The following AEN variants were observed in gnomAD, a reference collection of about 807,000 sequenced individuals.
The protein encoded by AEN is apoptosis-enhancing nuclease.
Under a neutral mutation model 17.7 loss-of-function variants are expected in AEN, and 21 were observed. The observed-to-expected ratio is 1.19, with a 90% CI of 0.84 to 1.71. The LOEUF (loss-of-function observed/expected upper bound fraction) is 1.71, where lower values mean the gene tolerates loss of function less well. Among genes scored for constraint, AEN ranks in the 40% most tolerant of loss-of-function variants. The pLI, the probability that AEN is intolerant of heterozygous loss-of-function variation, is 0.00. For synonymous variants in AEN, 190 were observed against 173.0 expected (o/e 1.10, Z -0.77); for missense variants, 462 against 435.9 (o/e 1.06, Z -0.53).
At position 88,626,959 on chromosome 15, in the gene AEN, A is replaced by G. The variant is rs959119173; in HGVS notation, c.540+210A>G. ...CAGATAAGGATTGCTGGCCTGTTGC[A>G]CAGGACAATGTAGAAAGGCTACACC... On this transcript the variant is annotated intron_variant, in intron 2 of 3. Coordinates refer to ENST00000332810, the MANE Select transcript of AEN (RefSeq NM_022767.4). The G allele has an allele frequency of 2.8e-5, 17 of 598,016 alleles. No homozygotes were observed. The African/African-American group carries it at 3.2e-4, about 11-fold the overall frequency. The allele number at this position is 598,016 out of a possible 1,614,324, so 37.0% of individuals were successfully genotyped here. A position where few individuals can be genotyped will look rare whatever the true frequency, so the allele number is the denominator to read the frequency against.
upstream of AEN, among the ~76,000 whole-genome samples, chr15:88,618,242 A>G (rs1369176624): frequency 1.8e-5 from 1 of 55,860 alleles, no homozygotes; most frequent in South Asian, 6.5e-4. Flanking sequence ...AATATGCAAC[A>G]TTCTTTTTTT....
rs1253166128 is a variant in AEN at position 88,630,315 on chromosome 15, GC to G, written c.*22del. The G allele has an allele frequency of 3.9e-6, 6 of 1,555,276 alleles. No individual in the cohort carries two copies. In the African/African-American group the frequency reaches 8.2e-5, roughly 21 times the overall value. On this transcript the variant is annotated 3_prime_UTR_variant, in exon 4 of 4. Coordinates refer to ENST00000332810, the MANE Select transcript of AEN (RefSeq NM_022767.4). The surrounding 1 kb of genome is among the most constrained non-coding windows in gnomAD (Gnocchi z 5.1). Reference sequence around the variant, plus strand: ...ATTGAGAAGGGGGCGGGGCTCCCTGGCTGGGCTTCCGGTGTGGCCGGTAGGA... The same window carrying G: ...ATTGAGAAGGGGGCGGGGCTCCCTGGTGGGCTTCCGGTGTGGCCGGTAGGA...
chr15:88,623,982 C>T (rs1044078277), intron 1 of AEN, among the ~76,000 whole-genome samples: 2 of 152,268 alleles, frequency 1.3e-5, no homozygotes, highest in African/African-American at 4.8e-5. Flanking sequence ...AACATGGCCA[C>T]TGATTCTTCT....
At chr15:88,612,873 G>A in the AEN span, among the ~76,000 whole-genome samples, 3 of 152,120 alleles carry the variant, frequency 2.0e-5, no homozygotes, top group Non-Finnish European at 4.4e-5. Context: ...AGTGCTGGGA[G>A]TATAGGCATC....
intron 2 of AEN, chr15:88,628,000 G>A (rs1163315638): frequency 6.6e-6 from 1 of 152,020 alleles, no homozygotes; most frequent in African/African-American, 2.4e-5. Flanking sequence ...ATTGTGGCCC[G>A]AGCATTCCTT....
chr15:88,630,349 G>GTTGCA lies in AEN; in HGVS notation c.*55_*56insTTGCA. Reference sequence around the variant, plus strand: ...CCGGTGTGGCCGGTAGGAAGTGGGGGCCAGGAGAGCAGCGGGCACTCCTTC... The same window carrying GTTGCA: ...CCGGTGTGGCCGGTAGGAAGTGGGGGTTGCACCAGGAGAGCAGCGGGCACTCCTTC... On this transcript the variant is annotated 3_prime_UTR_variant, in exon 4 of 4. Coordinates refer to ENST00000332810, the MANE Select transcript of AEN (RefSeq NM_022767.4). The surrounding 1 kb of genome is among the most constrained non-coding windows in gnomAD (Gnocchi z 5.1). 6.7e-7 allele frequency: 1 copy of GTTGCA among 1,493,792 alleles called. No individual in the cohort carries two copies. Among genetic ancestry groups the GTTGCA allele is most frequent in the African/African-American group, 1.5e-5 (1 of 66,774 alleles). 92.5% of individuals were successfully genotyped at this position (1,493,792 alleles called of 1,614,324 possible).
At chr15:88,625,622 A>G (rs1229248266) in intron 1 of AEN, among the ~76,000 whole-genome samples, 1 of 152,208 alleles carries the variant, frequency 6.6e-6, no homozygotes, top group Non-Finnish European at 1.5e-5. Context: ...TGTGCTGAGG[A>G]TCTGTGCCTT....
rs2057906871 is a variant in AEN at position 88,630,075 on chromosome 15, C to T, written c.759C>T (p.His253=). 6.2e-7 allele frequency: 1 copy of T among 1,614,106 alleles called. No homozygotes were observed. The highest frequency in any genetic ancestry group is 8.5e-7 in the Non-Finnish European group (1 of 1,180,036). The change falls in exon 4 of 4, where the codon CAC becomes CAT. Residue 253 remains histidine (H), a synonymous_variant. Transcript: ENST00000332810. This position sits in a 1 kb window ranked among gnomAD's most constrained non-coding sequence, Gnocchi z 5.1. ...HKKIQVGQHG[H]SSVEDATTAM... ...GTCAGTAGGTGGGCCAGCACGGGCA[C>T]TCATCAGTAGAAGATGCCACGACAG...
chr15:88,608,558 A>G, the AEN span, among the ~76,000 whole-genome samples: 1 of 152,228 alleles, frequency 6.6e-6, no homozygotes, highest in South Asian at 2.1e-4. Context: ...GGAGATGAAG[A>G]TGGAAAGCTA....
chr15:88,630,507 T>C lies in AEN; in HGVS notation c.*213T>C. On this transcript the variant is annotated 3_prime_UTR_variant, in exon 4 of 4. Coordinates refer to ENST00000332810, the MANE Select transcript of AEN (RefSeq NM_022767.4). This position sits in a 1 kb window ranked among gnomAD's most constrained non-coding sequence, Gnocchi z 5.1. ...AGGGCTGTTGGTTCTTTCTTCTGAC[T>C]CCTGTGGTTTTGCTAATGGCACTTT... 1 of 568,736 alleles carries C rather than the reference T, an allele frequency of 1.8e-6. No individual in the cohort carries two copies. Among genetic ancestry groups the C allele is most frequent in the Non-Finnish European group, 3.2e-6 (1 of 317,264 alleles). The allele number at this position is 568,736 out of a possible 1,614,324, so 35.2% of individuals were successfully genotyped here.
intron 1 of AEN, among the ~76,000 whole-genome samples, chr15:88,622,794 C>T (rs2057804490): frequency 6.6e-6 from 1 of 152,132 alleles, no homozygotes; most frequent in Non-Finnish European, 1.5e-5. Flanking sequence ...CGCCGGGCTG[C>T]CTGCCTTTGG....
chr15:88,630,192 C>A lies in AEN; in HGVS notation c.876C>A (p.Ser292Arg), dbSNP rs753234531. The change falls in exon 4 of 4, where the codon AGC becomes AGA. Residue 292 changes from serine to arginine, a missense_variant. Transcript: ENST00000332810. This position sits in a 1 kb window ranked among gnomAD's most constrained non-coding sequence, Gnocchi z 5.1. ...WTCPEDREPD[S>R]STDMEQYMED... ...GCCCCGAGGACAGAGAACCTGACAGCAGCACAGACATGGAACAGTACATGG... is the reference window on the plus strand; with the variant it reads ...GCCCCGAGGACAGAGAACCTGACAGAAGCACAGACATGGAACAGTACATGG... 4 of 1,613,002 alleles carry A rather than the reference C, an allele frequency of 2.5e-6. No individual in the cohort carries two copies. The South Asian group carries it at 4.4e-5, about 18-fold the overall frequency.
intron 2 of AEN, chr15:88,627,335 C>T (rs2057867423): frequency 6.6e-6 from 1 of 152,124 alleles, no homozygotes; most frequent in Non-Finnish European, 1.5e-5. Context: ...AGACTTGCAC[C>T]ATAAAGCCAC....
chr15:88,615,055 A>T, the AEN span, among the ~76,000 whole-genome samples: 1 of 150,856 alleles, frequency 6.6e-6, no homozygotes, highest in East Asian at 1.9e-4. Flanking sequence ...TTAGTAGAGA[A>T]AGGGTTTCAC....
chr15:88,618,606 G>T (rs887719427), upstream of AEN, among the ~76,000 whole-genome samples: 2 of 152,256 alleles, frequency 1.3e-5, no homozygotes, highest in Admixed American at 1.3e-4. Context: ...CCATAAATTT[G>T]TGAGTCCAGA....
At chr15:88,606,235 T>C in the AEN span, among the ~76,000 whole-genome samples, 2 of 152,154 alleles carry the variant, frequency 1.3e-5, no homozygotes, top group Non-Finnish European at 1.5e-5. Flanking sequence ...CCCTTCCTTT[T>C]TCCCTTCCTT....
chr15:88,621,006 T>A (rs1232326199), upstream of AEN, among the ~76,000 whole-genome samples: 2 of 151,968 alleles, frequency 1.3e-5, no homozygotes, highest in Non-Finnish European at 2.9e-5. Context: ...CAGTAAGTCA[T>A]TCGGCCTTTG....
At chr15:88,611,922 G>T in the AEN span, 1 of 502,168 alleles carries the variant, frequency 2.0e-6, no homozygotes, top group South Asian at 1.5e-5. Flanking sequence ...ACCTAATGGT[G>T]CCAGCCATCG....
the AEN span, among the ~76,000 whole-genome samples, chr15:88,615,571 G>A: frequency 2.6e-5 from 4 of 152,002 alleles, no homozygotes; most frequent in South Asian, 8.3e-4. Flanking sequence ...CCTAAACTTC[G>A]GCATGCCTCA....
Sources: allele counts gnomAD v4.1 joint callset (sites outside exome capture counted in the v4.1 genomes callset), GRCh38; gene constraint gnomAD v4.1.1; non-coding constraint Gnocchi (gnomAD v3.1); transcripts MANE v1.5; gene names NCBI Gene and HGNC (gene_info 2026-07-23, HGNC 2026-07-21).